DPP10: variants seen among roughly 807,000 people sequenced by gnomAD.
DPP10 encodes inactive dipeptidyl peptidase 10.
A neutral mutation model predicts 120.9 loss-of-function variants in DPP10; 33 were observed. The observed-to-expected ratio is 0.27, with a 90% CI of 0.21 to 0.37. The LOEUF (loss-of-function observed/expected upper bound fraction) is 0.37, where lower values mean the gene tolerates loss of function less well. Ranked by LOEUF, DPP10 falls within the 10% of genes least tolerant of loss-of-function variation. The pLI, the probability that DPP10 is intolerant of heterozygous loss-of-function variation, is 1.00. For synonymous variants in DPP10, 337 were observed against 326.1 expected, an observed-to-expected ratio of 1.03 and a Z score of -0.36; for missense variants, 816 against 942.8, an observed-to-expected ratio of 0.87 and a Z score of 1.76.
In DPP10 at chr2:115,845,680, T is replaced by A. The variant is rs1262699388; in HGVS notation, c.*3335T>A. On this transcript the variant is annotated 3_prime_UTR_variant, in exon 26 of 26. Transcript: ENST00000410059. Reference sequence around the variant, plus strand: ...TGCTTTCTGGAAACTATTTTTCCCCTCCACAAGAAATTATCACTGTGAATA... The same window carrying A: ...TGCTTTCTGGAAACTATTTTTCCCCACCACAAGAAATTATCACTGTGAATA... 4 of 152,170 alleles carry A rather than the reference T, an allele frequency of 2.6e-5. No individual in the cohort carries two copies. Among genetic ancestry groups the A allele is most frequent in the Non-Finnish European group, 5.9e-5 (4 of 68,030 alleles). The allele number at this position is 152,170 out of a possible 1,614,324, so 9.4% of individuals were successfully genotyped here.
At chr2:115,633,131 C>T (rs1345646226) in intron 5 of DPP10, among the ~76,000 whole-genome samples, 7 of 152,088 alleles carry the variant, frequency 4.6e-5, no homozygotes, top group Non-Finnish European at 8.8e-5. Context: ...CACATGCACA[C>T]GTATGTTTAT....
At chr2:114,681,336 C>T (rs982541397) in intron 1 of DPP10, among the ~76,000 whole-genome samples, 17 of 151,836 alleles carry the variant, frequency 1.1e-4, no homozygotes, top group African/African-American at 4.8e-5. Flanking sequence ...AAAGGAAATC[C>T]GCAACTCTCA....
intron 1 of DPP10, among the ~76,000 whole-genome samples, chr2:115,288,936 C>G (rs2105914545): frequency 6.6e-6 from 1 of 152,114 alleles, no homozygotes; most frequent in East Asian, 1.9e-4. Flanking sequence ...ACTGGAAGTC[C>G]TAGACAGAGC....
intron 1 of DPP10, among the ~76,000 whole-genome samples, chr2:114,704,078 C>A (rs1237928085): frequency 3.3e-5 from 5 of 152,052 alleles, no homozygotes; most frequent in African/African-American, 1.2e-4. Flanking sequence ...CAGGGCAAGG[C>A]TGGATGATGT....
At chr2:115,721,643 A>G (rs2092652370) in intron 7 of DPP10, among the ~76,000 whole-genome samples, 1 of 152,178 alleles carries the variant, frequency 6.6e-6, no homozygotes, top group Admixed American at 6.6e-5. Flanking sequence ...TGGAACTCTC[A>G]TACACTGTTC....
chr2:115,035,613 T>C (rs1704175235), intron 1 of DPP10, among the ~76,000 whole-genome samples: 1 of 152,200 alleles, frequency 6.6e-6, no homozygotes, highest in Non-Finnish European at 1.5e-5. Context: ...TGATTATAAT[T>C]ATGGTAGATA....
At position 115,088,759 on chromosome 2, in the gene DPP10, A is replaced by AAAAAAAAAC. The variant is rs1553485541; in HGVS notation, c.61-220472_61-220471insCAAAAAAAA. On this transcript the variant is annotated intron_variant, in intron 1 of 25. Transcript: ENST00000410059. ...GAGCCACTGTGCCTGACAAAAAAAA[A>AAAAAAAAAC]AAAAAAAAAACCAAAAAACAAAAAA... Among the ~76,000 whole-genome samples, 19 of 149,816 alleles carry AAAAAAAAAC rather than the reference A, an allele frequency of 1.3e-4. 1 individual carries two copies. Among genetic ancestry groups the AAAAAAAAAC allele is most frequent in the Non-Finnish European group, 2.5e-4 (17 of 67,234 alleles).
At chr2:114,473,882 T>C (rs992729383) in intron 1 of DPP10, among the ~76,000 whole-genome samples, 1 of 152,226 alleles carries the variant, frequency 6.6e-6, no homozygotes, top group African/African-American at 2.4e-5. Context: ...CATACATACA[T>C]ACACACACTT....
intron 1 of DPP10, among the ~76,000 whole-genome samples, chr2:115,178,549 C>T (rs971245598): frequency 4.6e-5 from 7 of 152,100 alleles, no homozygotes; most frequent in African/African-American, 1.7e-4. Context: ...AAATCATTGG[C>T]CTCTATTTAA....
chr2:115,411,766 T>C (rs1286691482), intron 3 of DPP10, among the ~76,000 whole-genome samples: 1 of 152,212 alleles, frequency 6.6e-6, no homozygotes, highest in Non-Finnish European at 1.5e-5. Flanking sequence ...TTTGCAACTA[T>C]TATCTTCTTG....
intron 21 of DPP10, among the ~76,000 whole-genome samples, chr2:115,833,666 A>C (rs1346815483): frequency 6.6e-6 from 1 of 152,162 alleles, no homozygotes; most frequent in African/African-American, 2.4e-5. Flanking sequence ...ATGCCATTAA[A>C]ACTGTTTCAT....
rs535020674 is a variant in DPP10 at position 115,697,708 on chromosome 2, A to G, written c.576+7787A>G. ...AGGATTTAAAAAACACAGTAAGGCCAGGTGCAGTGGCTGACGCCTGTAATC... is the reference window on the plus strand; with the variant it reads ...AGGATTTAAAAAACACAGTAAGGCCGGGTGCAGTGGCTGACGCCTGTAATC... On this transcript the variant is annotated intron_variant, in intron 7 of 25. Transcript: ENST00000410059. Among the ~76,000 whole-genome samples, 9 of 152,250 alleles carry G rather than the reference A, an allele frequency of 5.9e-5. No individual in the cohort carries two copies. In the South Asian group the frequency reaches 1.9e-3, roughly 31 times the overall value.
At chr2:115,568,588 T>C (rs1394609371) in intron 5 of DPP10, among the ~76,000 whole-genome samples, 28 of 151,944 alleles carry the variant, frequency 1.8e-4, no homozygotes, top group Admixed American at 1.8e-3. Context: ...TCATTTTTTG[T>C]CTATTTTTGG....
chr2:115,840,318 G>GTTTTTTT lies in DPP10; in HGVS notation c.2183-432_2183-431insTTTTTTT, dbSNP rs1559227733. Among the ~76,000 whole-genome samples the GTTTTTTT allele has an allele frequency of 4.8e-3, 153 of 31,850 alleles. 2 individuals are homozygous for GTTTTTTT. Among genetic ancestry groups the GTTTTTTT allele is most frequent in the African/African-American group, 0.015 (148 of 10,196 alleles). 20.9% of individuals were successfully genotyped at this position (31,850 alleles called of 152,430 possible). ...CCTAAAGCCAGATATAAGGTTTTTTGGTTTTTTTTTTTTTTTTTTTTTTGA... is the reference window on the plus strand; with the variant it reads ...CCTAAAGCCAGATATAAGGTTTTTTGTTTTTTTGTTTTTTTTTTTTTTTTTTTTTTGA... On this transcript the variant is annotated intron_variant, in intron 24 of 25. Coordinates refer to ENST00000410059, the MANE Select transcript of DPP10 (RefSeq NM_020868.6).
At chr2:115,092,308 G>A (rs955963422) in intron 1 of DPP10, among the ~76,000 whole-genome samples, 8 of 152,012 alleles carry the variant, frequency 5.3e-5, no homozygotes, top group Non-Finnish European at 1.0e-4. Flanking sequence ...TTTCCAGAAT[G>A]CTCTTGCCAC....
intron 5 of DPP10, among the ~76,000 whole-genome samples, chr2:115,634,981 G>T (rs1264909706): frequency 1.3e-5 from 2 of 152,134 alleles, no homozygotes; most frequent in Admixed American, 1.3e-4. Context: ...AGCCTAAAGA[G>T]GCAATCTGGC....
intron 1 of DPP10, among the ~76,000 whole-genome samples, chr2:114,587,340 C>T (rs1450616196): frequency 6.7e-6 from 1 of 150,160 alleles, no homozygotes; most frequent in African/African-American, 2.5e-5. Flanking sequence ...CACGCATGCA[C>T]ACACACACAG....
At position 115,301,469 on chromosome 2, in the gene DPP10, T is replaced by C. The variant is rs1287223031; in HGVS notation, c.61-7770T>C. ...AGAAAAATACTGGAAAGTGGGCTAC[T>C]TTTTTTTTTTTTTTTTTTTAACTGC... On this transcript the variant is annotated intron_variant, in intron 1 of 25. Transcript: ENST00000410059. Among the ~76,000 whole-genome samples the C allele has an allele frequency of 2.0e-3, 4 of 2,040 alleles. No homozygotes were observed. In the East Asian group the frequency reaches 0.074, roughly 38 times the overall value. The allele number at this position is 2,040 out of a possible 152,430, so 1.3% of individuals were successfully genotyped here.
At chr2:115,343,773 C>T (rs1331717483) in intron 2 of DPP10, 44 bp from the exon 3 acceptor site, 6 of 1,382,130 alleles carry the variant, frequency 4.3e-6, no homozygotes, top group Non-Finnish European at 5.0e-6. Flanking sequence ...TTTTAAAAAA[C>T]AAGCATAAGA....
Sources: gnomAD v4.1 joint callset for allele counts (sites outside exome capture counted in the v4.1 genomes callset) on GRCh38, gnomAD v4.1.1 for gene constraint, MANE v1.5 for transcripts, NCBI Gene and HGNC (gene_info 2026-07-23, HGNC 2026-07-21) for gene names.